The following ANKRD33B variants were observed in gnomAD, a reference collection of about 807,000 sequenced individuals.
ANKRD33B encodes ankyrin repeat domain-containing protein 33B.
ANKRD33B carries 6 observed loss-of-function variants against 21.5 expected under a neutral mutation model. The observed-to-expected ratio is 0.28, with a 90% confidence interval of 0.15 to 0.55. The LOEUF is 0.55. Among genes scored for constraint, ANKRD33B ranks in the 20% least tolerant of loss-of-function variants. The pLI is 0.94. For synonymous variants in ANKRD33B, 347 were observed against 342.4 expected, an observed-to-expected ratio of 1.01 and a Z score of -0.15; for missense variants, 698 against 747.2, an observed-to-expected ratio of 0.93 and a Z score of 0.77.
Position 10,655,482 on chromosome 5 carries a change from T to C in ANKRD33B, c.*5369T>C, listed in dbSNP as rs925701202. ...CGTGGGAAGGCTGTCCGTTCATCCT[T>C]ACCCTGGGGACTCAAGTGTGCTCTG... is the stretch of plus-strand genomic sequence containing the variant. On this transcript the variant is annotated 3_prime_UTR_variant, in exon 4 of 4. Transcript: ENST00000296657. The C allele has an allele frequency of 6.6e-6, 1 of 152,364 alleles. No individual in the cohort carries two copies. Among genetic ancestry groups the C allele is most frequent in the Admixed American group, 6.5e-5 (1 of 15,276 alleles). The allele number at this position is 152,364 out of a possible 1,614,324, so 9.4% of individuals were successfully genotyped here.
chr5:10,643,112 C>T (rs2126605892), intron 3 of ANKRD33B, among the ~76,000 whole-genome samples: 1 of 152,174 alleles, frequency 6.6e-6, no homozygotes, highest in East Asian at 1.9e-4. Flanking sequence ...TCCATATTGG[C>T]CAGGCTGGTC....
chr5:10,590,912 G>A (rs1311251322), intron 1 of ANKRD33B, among the ~76,000 whole-genome samples: 1 of 152,040 alleles, frequency 6.6e-6, no homozygotes, highest in Non-Finnish European at 1.5e-5. Context: ...AGTCCTGGTC[G>A]TCTTGGAAAC....
chr5:10,638,092 C>T lies in ANKRD33B; in HGVS notation c.561C>T (p.Asn187=), dbSNP rs1736914191. ...YFPGLDLERR[N]AFGFTALMKA... ...CTGGTCTTGACCTTGAAAGGAGGAA[C>T]GCGTTCGGGTTCACCGCCCTGATGA... Residue 187 remains asparagine, a synonymous_variant, in exon 3 of 4, where the codon AAC becomes AAT. Transcript: ENST00000296657. 12 of 1,537,458 alleles carry T rather than the reference C, an allele frequency of 7.8e-6. No homozygotes were observed. Among genetic ancestry groups the T allele is most frequent in the South Asian group, 1.2e-5 (1 of 84,060 alleles).
chr5:10,592,144 T>A (rs1382965767), intron 1 of ANKRD33B, among the ~76,000 whole-genome samples: 2 of 152,062 alleles, frequency 1.3e-5, no homozygotes, highest in African/African-American at 4.8e-5. Flanking sequence ...GGTTGAGTCA[T>A]CCATCACTGC....
At chr5:10,599,142 T>C (rs1735878861) in intron 1 of ANKRD33B, among the ~76,000 whole-genome samples, 1 of 152,218 alleles carries the variant, frequency 6.6e-6, no homozygotes, top group Non-Finnish European at 1.5e-5. Flanking sequence ...GTATTGAAAA[T>C]TCAGTGGAAT....
chr5:10,570,853 C>T (rs1460480704), intron 1 of ANKRD33B, among the ~76,000 whole-genome samples: 2 of 151,914 alleles, frequency 1.3e-5, no homozygotes, highest in African/African-American at 4.8e-5. Flanking sequence ...GCTACCATGC[C>T]TGGCCTCCTT....
chr5:10,593,266 T>G (rs1427019318), intron 1 of ANKRD33B, among the ~76,000 whole-genome samples: 1 of 152,244 alleles, frequency 6.6e-6, no homozygotes, highest in Non-Finnish European at 1.5e-5. Flanking sequence ...TATTTTAAAT[T>G]ATTATCGCAG....
intron 3 of ANKRD33B, among the ~76,000 whole-genome samples, chr5:10,641,217 T>G (rs1365398772): frequency 5.1e-5 from 6 of 118,576 alleles, no homozygotes; most frequent in African/African-American, 1.8e-4. Context: ...AGTCTTCTTC[T>G]TCTTCTTCTT....
At position 10,601,176 on chromosome 5, in the gene ANKRD33B, ATG is replaced by A. The variant is rs372765570; in HGVS notation, c.367-17154_367-17153del. Reference sequence around the variant, plus strand: ...AAGAATATTTTGAAAATAGAAGAAAATGTGGCAAGGCTGTCTCCTCCCACACC... The same window carrying A: ...AAGAATATTTTGAAAATAGAAGAAAATGGCAAGGCTGTCTCCTCCCACACC... On this transcript the variant is annotated intron_variant, in intron 1 of 3. Transcript: ENST00000296657. 6.6e-3 allele frequency among the ~76,000 whole-genome samples: 1,006 copies of A among 152,226 alleles called. 8 individuals carry two copies. Among genetic ancestry groups the A allele is most frequent in the African/African-American group, 0.023 (949 of 41,518 alleles).
chr5:10,650,217 C>T lies in ANKRD33B; in HGVS notation c.*104C>T. 3.3e-6 allele frequency: 4 copies of T among 1,225,144 alleles called. No individual in the cohort carries two copies. Among genetic ancestry groups the T allele is most frequent in the Non-Finnish European group, 4.3e-6 (4 of 935,568 alleles). The allele number at this position is 1,225,144 out of a possible 1,614,324, so 75.9% of individuals were successfully genotyped here. A position where few individuals can be genotyped will look rare whatever the true frequency, so the allele number is the denominator to read the frequency against. On this transcript the variant is annotated 3_prime_UTR_variant, in exon 4 of 4. Transcript: ENST00000296657. ...CCCGTTGCGCATCGCACCACTTCCG[C>T]TCCATGGACCACGGGGCTGCGCGCA...
intron 1 of ANKRD33B, among the ~76,000 whole-genome samples, chr5:10,571,670 A>C (rs2126544733): frequency 6.6e-6 from 1 of 152,350 alleles, no homozygotes; most frequent in East Asian, 1.9e-4. Context: ...TTTAAAAAAC[A>C]AAATTTGGAT....
At chr5:10,570,277 T>G (rs1386092801) in intron 1 of ANKRD33B, among the ~76,000 whole-genome samples, 1 of 152,118 alleles carries the variant, frequency 6.6e-6, no homozygotes, top group Non-Finnish European at 1.5e-5. Flanking sequence ...ACTGTAAATG[T>G]TTTGTTGGGG....
chr5:10,624,445 A>G (rs148970057), intron 2 of ANKRD33B, among the ~76,000 whole-genome samples: 6 of 149,846 alleles, frequency 4.0e-5, no homozygotes, highest in African/African-American at 1.2e-4. Context: ...TTTCTTTTTT[A>G]CTGGCTTTTG....
At chr5:10,604,548 A>T (rs1445183487) in intron 1 of ANKRD33B, among the ~76,000 whole-genome samples, 3 of 150,974 alleles carry the variant, frequency 2.0e-5, no homozygotes. Context: ...AAAATATAGC[A>T]CTCTCCTGGT....
chr5:10,650,138 CCGGGGCT>C lies in ANKRD33B; in HGVS notation c.*26_*32del. 1 of 1,452,518 alleles carries C rather than the reference CCGGGGCT, an allele frequency of 6.9e-7. No homozygotes were observed. The highest frequency in any genetic ancestry group is 9.0e-7 in the Non-Finnish European group (1 of 1,107,174). The allele number at this position is 1,452,518 out of a possible 1,614,324, so 90.0% of individuals were successfully genotyped here. Reference sequence around the variant, plus strand: ...AGGGCCCGTGTGCCTGGCGCTGGGGCCGGGGCTGGGGCCGGGGCGGGGCCGCAGGGCT... The same window carrying C: ...AGGGCCCGTGTGCCTGGCGCTGGGGCGGGGCCGGGGCGGGGCCGCAGGGCT... On this transcript the variant is annotated 3_prime_UTR_variant, in exon 4 of 4. Coordinates refer to ENST00000296657, the MANE Select transcript of ANKRD33B (RefSeq NM_001164440.2).
intron 3 of ANKRD33B, among the ~76,000 whole-genome samples, chr5:10,645,372 C>T (rs996989020): frequency 1.3e-5 from 2 of 152,224 alleles, no homozygotes; most frequent in African/African-American, 4.8e-5. Context: ...GCTTCACGCT[C>T]CACCCACCTC....
chr5:10,628,450 G>A (rs774243130), intron 2 of ANKRD33B, among the ~76,000 whole-genome samples: 4 of 152,038 alleles, frequency 2.6e-5, no homozygotes, highest in Non-Finnish European at 4.4e-5. Context: ...CCAAAGTGCT[G>A]GGATTACAGG....
chr5:10,572,038 G>A (rs112913127), intron 1 of ANKRD33B, among the ~76,000 whole-genome samples: 6 of 152,118 alleles, frequency 3.9e-5, no homozygotes, highest in African/African-American at 1.2e-4. Context: ...ACAGGCACCC[G>A]CCACCATGTC....
intron 1 of ANKRD33B, among the ~76,000 whole-genome samples, chr5:10,575,986 C>T (rs990693781): frequency 2.0e-5 from 3 of 152,024 alleles, no homozygotes; most frequent in Non-Finnish European, 2.9e-5. Flanking sequence ...TATACACACA[C>T]ACACACACAC....
Sources: allele counts gnomAD v4.1 joint callset (sites outside exome capture counted in the v4.1 genomes callset), GRCh38; gene constraint gnomAD v4.1.1; transcripts MANE v1.5; gene names NCBI Gene and HGNC (gene_info 2026-07-23, HGNC 2026-07-21).